The following OPCML variants were observed in gnomAD, a reference collection of about 807,000 sequenced individuals.
The protein encoded by OPCML is opioid binding protein/cell adhesion molecule like.
A neutral mutation model predicts 37.8 loss-of-function variants in OPCML; 13 were observed. That is an observed-to-expected ratio of 0.34 (90% CI 0.22 to 0.55). The LOEUF is 0.55. Ranked by LOEUF, OPCML falls within the 20% of genes least tolerant of loss-of-function variation. OPCML has a pLI of 0.91. For missense variants in OPCML, 341 were observed against 435.6 expected, an observed-to-expected ratio of 0.78 and a Z score of 1.93; for synonymous variants, 176 against 168.8, an observed-to-expected ratio of 1.04 and a Z score of -0.33.
intron 2 of OPCML, among the ~76,000 whole-genome samples, chr11:132,924,907 G>C (rs967282747): frequency 6.6e-6 from 1 of 151,926 alleles, no homozygotes; most frequent in African/African-American, 2.4e-5. Flanking sequence ...TTACACATAC[G>C]TTGCATCTTC....
chr11:132,624,023 T>TG (rs1298509295), intron 3 of OPCML, among the ~76,000 whole-genome samples: 2 of 152,358 alleles, frequency 1.3e-5, no homozygotes, highest in East Asian at 1.9e-4. Context: ...AGCTGAGAGT[T>TG]GTTTCAGCAC....
At chr11:132,425,949 T>A (rs1371823149) in intron 7 of OPCML, among the ~76,000 whole-genome samples, 1 of 152,218 alleles carries the variant, frequency 6.6e-6, no homozygotes, top group Admixed American at 6.5e-5. Flanking sequence ...ATATCAGGCT[T>A]AATTAAATAT....
chr11:133,429,817 T>TA (rs1294219647), intron 1 of OPCML, among the ~76,000 whole-genome samples: 1 of 152,226 alleles, frequency 6.6e-6, no homozygotes. Flanking sequence ...ATGACACATC[T>TA]AGCATGCTCA....
At chr11:132,748,593 G>GGT (rs1160937386) in intron 2 of OPCML, among the ~76,000 whole-genome samples, 1 of 152,202 alleles carries the variant, frequency 6.6e-6, no homozygotes, top group African/African-American at 2.4e-5. Context: ...GAGGCTGGAA[G>GGT]GTGAGCGCTG....
chr11:133,408,371 A>G (rs1218034065), intron 1 of OPCML, among the ~76,000 whole-genome samples: 1 of 152,246 alleles, frequency 6.6e-6, no homozygotes, highest in African/African-American at 2.4e-5. Flanking sequence ...GGCATCTCCT[A>G]CTACCACCAA....
At chr11:133,102,492 T>C (rs1459614351) in intron 1 of OPCML, among the ~76,000 whole-genome samples, 1 of 152,150 alleles carries the variant, frequency 6.6e-6, no homozygotes, top group African/African-American at 2.4e-5. Flanking sequence ...CTCATGCCTG[T>C]AATCGCAGAA....
chr11:132,971,409 C>A (rs1946340522), intron 1 of OPCML, among the ~76,000 whole-genome samples: 2 of 152,168 alleles, frequency 1.3e-5, no homozygotes, highest in Admixed American at 1.3e-4. Context: ...TTATCAGGGA[C>A]ATGCGCGAGT....
chr11:133,055,612 G>C (rs1467236323), intron 1 of OPCML, among the ~76,000 whole-genome samples: 1 of 149,986 alleles, frequency 6.7e-6, no homozygotes, highest in Non-Finnish European at 1.5e-5. Context: ...GTACAATGCT[G>C]CCTCCATGAT....
intron 3 of OPCML, among the ~76,000 whole-genome samples, chr11:132,641,856 G>T (rs1370837653): frequency 6.6e-6 from 1 of 152,198 alleles, no homozygotes; most frequent in Non-Finnish European, 1.5e-5. Flanking sequence ...TCTGTGATTA[G>T]TTGTTGGTGC....
intron 2 of OPCML, among the ~76,000 whole-genome samples, chr11:132,854,493 G>T (rs567115020): frequency 3.3e-5 from 5 of 152,284 alleles, no homozygotes; most frequent in Non-Finnish European, 7.4e-5. Context: ...CACAAAGTGG[G>T]TTCCCCTGGC....
chr11:132,790,331 T>C (rs1937813094), intron 2 of OPCML, among the ~76,000 whole-genome samples: 1 of 152,224 alleles, frequency 6.6e-6, no homozygotes, highest in Non-Finnish European at 1.5e-5. Flanking sequence ...CAATAATTGA[T>C]TGTATATTTC....
intron 3 of OPCML, among the ~76,000 whole-genome samples, chr11:132,600,271 T>A (rs1366489584): frequency 2.0e-5 from 3 of 152,222 alleles, no homozygotes; most frequent in African/African-American, 7.2e-5. Flanking sequence ...GAAAAGCCAC[T>A]CACTCGGGTG....
intron 2 of OPCML, among the ~76,000 whole-genome samples, chr11:132,713,792 G>T (rs1944362243): frequency 6.6e-6 from 1 of 152,200 alleles, no homozygotes; most frequent in South Asian, 2.1e-4. Flanking sequence ...TTCTCCACCT[G>T]CAGGAAGCTG....
chr11:132,956,968 G>A (rs562691336), intron 1 of OPCML, among the ~76,000 whole-genome samples: 5 of 152,232 alleles, frequency 3.3e-5, no homozygotes, highest in Admixed American at 6.5e-5. Flanking sequence ...CTATCTCTAC[G>A]AAAATTTTAA....
chr11:132,578,211 T>A (rs1345756971), intron 3 of OPCML, among the ~76,000 whole-genome samples: 1 of 152,202 alleles, frequency 6.6e-6, no homozygotes, highest in Non-Finnish European at 1.5e-5. Context: ...TACTGTGATG[T>A]CTCCTGTGTC....
intron 1 of OPCML, among the ~76,000 whole-genome samples, chr11:133,448,142 T>C (rs1263024968): frequency 6.6e-6 from 1 of 152,190 alleles, no homozygotes; most frequent in East Asian, 1.9e-4. Flanking sequence ...TTCTTTTATG[T>C]TGTATTCTAG....
intron 3 of OPCML, among the ~76,000 whole-genome samples, chr11:132,638,958 C>G (rs540404443): frequency 6.6e-6 from 1 of 152,118 alleles, no homozygotes; most frequent in African/African-American, 2.4e-5. Context: ...GTTTTTTCTG[C>G]GCAGCGGGTA....
chr11:133,271,748 C>A (rs1296552227), intron 1 of OPCML, among the ~76,000 whole-genome samples: 2 of 152,152 alleles, frequency 1.3e-5, no homozygotes, highest in Non-Finnish European at 2.9e-5. Flanking sequence ...AAATTGCCAC[C>A]AGAAGTATGC....
In OPCML at chr11:132,687,381, T is replaced by C. The variant is rs1260783166; in HGVS notation, c.147-30062A>G. On this transcript the variant is annotated intron_variant, in intron 2 of 7. Coordinates refer to ENST00000524381, the MANE Select transcript of OPCML (RefSeq NM_001012393.5). ...CTGCCTTAAGCTACATATATATATA[T>C]ATATATATATATATATATATATATA... Among the ~76,000 whole-genome samples the C allele has an allele frequency of 4.2e-4, 5 of 11,978 alleles. 1 individual carries two copies. Among genetic ancestry groups the C allele is most frequent in the South Asian group, 6.7e-3 (2 of 298 alleles). The allele number at this position is 11,978 out of a possible 152,430, so 7.9% of individuals were successfully genotyped here.
Sources: allele counts gnomAD v4.1 joint callset (sites outside exome capture counted in the v4.1 genomes callset), GRCh38; gene constraint gnomAD v4.1.1; transcripts MANE v1.5; gene names NCBI Gene and HGNC (gene_info 2026-07-23, HGNC 2026-07-21).